AGPAT4: variants seen among roughly 807,000 people sequenced by gnomAD.
AGPAT4 encodes the protein 1-acylglycerol-3-phosphate O-acyltransferase 4, also known as 1-acyl-sn-glycerol-3-phosphate acyltransferase delta.
A neutral mutation model predicts 48.0 loss-of-function variants in AGPAT4; 15 were observed. The observed-to-expected ratio is 0.31, with a 90% CI of 0.21 to 0.48. The LOEUF is 0.48. AGPAT4 is among the 20% of genes least tolerant of loss of function. The pLI is 0.99. For synonymous variants in AGPAT4, 178 were observed against 198.7 expected (o/e 0.90, Z 0.88); for missense variants, 314 against 482.5 (o/e 0.65, Z 3.27).
In AGPAT4 at chr6:161,159,097, G is replaced by T. The variant is rs1473602737; in HGVS notation, c.349-4787C>A. On this transcript the variant is annotated intron_variant, in intron 3 of 8. Coordinates refer to ENST00000320285, the MANE Select transcript of AGPAT4 (RefSeq NM_020133.3). The surrounding 1 kb of genome is among the most constrained non-coding windows in gnomAD (Gnocchi z 4.1). ...AAAGCAGGCTAAACAGCCTGCCTTTGAGTCCTTTGACTGTTTTCTTGACTA... is the reference window on the plus strand; with the variant it reads ...AAAGCAGGCTAAACAGCCTGCCTTTTAGTCCTTTGACTGTTTTCTTGACTA... Among the ~76,000 whole-genome samples the T allele has an allele frequency of 1.3e-5, 2 of 152,190 alleles. No individual in the cohort carries two copies. The highest frequency in any genetic ancestry group is 2.9e-5 in the Non-Finnish European group (2 of 68,024).
rs1173635528 is a variant in AGPAT4 at position 161,262,518 on chromosome 6, C to T, written c.-90+11420G>A. Among the ~76,000 whole-genome samples the T allele has an allele frequency of 1.3e-5, 2 of 151,778 alleles. No homozygotes were observed. The highest frequency in any genetic ancestry group is 4.8e-5 in the African/African-American group (2 of 41,312). On this transcript the variant is annotated intron_variant, in intron 1 of 8. Coordinates refer to ENST00000320285, the MANE Select transcript of AGPAT4 (RefSeq NM_020133.3). This position sits in a 1 kb window ranked among gnomAD's most constrained non-coding sequence, Gnocchi z 4.9. ...CATTATTCTCTCATAGCAAATAAAA[C>T]TTGGTTTGCTTGTCCCTGGGCAAAG... is the stretch of plus-strand genomic sequence containing the variant.
chr6:161,165,646 G>A lies in AGPAT4; in HGVS notation c.348+602C>T, dbSNP rs749396954. On this transcript the variant is annotated intron_variant, in intron 3 of 8. Coordinates refer to ENST00000320285, the MANE Select transcript of AGPAT4 (RefSeq NM_020133.3). The surrounding 1 kb of genome is among the most constrained non-coding windows in gnomAD (Gnocchi z 5.5). ...CAACCGCTACACGCTGCAGTGTGTT[G>A]AAGACGACAAAAGTCAACTGAAGAG... 3 of 1,304,918 alleles carry A rather than the reference G, an allele frequency of 2.3e-6. No individual in the cohort carries two copies. Among genetic ancestry groups the A allele is most frequent in the Non-Finnish European group, 3.0e-6 (3 of 989,876 alleles). 80.8% of individuals were successfully genotyped at this position (1,304,918 alleles called of 1,614,324 possible). A position where few individuals can be genotyped will look rare whatever the true frequency, so the allele number is the denominator to read the frequency against.
rs915310190 is a variant in AGPAT4, at chr6:161,140,551, C to T, written c.844-931G>A. 1.3e-5 allele frequency among the ~76,000 whole-genome samples: 2 copies of T among 150,914 alleles called. No individual in the cohort carries two copies. The highest frequency in any genetic ancestry group is 2.1e-4 in the South Asian group (1 of 4,830). On this transcript the variant is annotated intron_variant, in intron 7 of 8. Transcript: ENST00000320285. The surrounding 1 kb of genome is among the most constrained non-coding windows in gnomAD (Gnocchi z 6.5). ...TCCCTGGGTGTCTCATGTCACGGAG[C>T]TCCCGCTCAGGGACTGGGGCTCAGC...
chr6:161,139,145 G>T lies in AGPAT4; in HGVS notation c.1042+277C>A, dbSNP rs1779169592. Among the ~76,000 whole-genome samples, 1 of 152,214 alleles carries T rather than the reference G, an allele frequency of 6.6e-6. No homozygotes were observed. Among genetic ancestry groups the T allele is most frequent in the African/African-American group, 2.4e-5 (1 of 41,460 alleles). On this transcript the variant is annotated intron_variant, in intron 8 of 8. Coordinates refer to ENST00000320285, the MANE Select transcript of AGPAT4 (RefSeq NM_020133.3). The surrounding 1 kb of genome is among the most constrained non-coding windows in gnomAD (Gnocchi z 9.1). Reference sequence around the variant, plus strand: ...GGAGGGAGCACTCCCAGCTGTCGGGGAGTGAAGTGGCAGCTGCATCACCAC... The same window carrying T: ...GGAGGGAGCACTCCCAGCTGTCGGGTAGTGAAGTGGCAGCTGCATCACCAC...
chr6:161,211,410 G>A (rs972086872), intron 2 of AGPAT4, among the ~76,000 whole-genome samples: 2 of 152,102 alleles, frequency 1.3e-5, no homozygotes, highest in African/African-American at 4.8e-5. Flanking sequence ...TAAAAGGAAT[G>A]AGGAAATAAA....
intron 1 of AGPAT4, among the ~76,000 whole-genome samples, chr6:161,265,452 C>G (rs1783227274): frequency 6.7e-6 from 1 of 149,538 alleles, no homozygotes; most frequent in Non-Finnish European, 1.5e-5. Context: ...CACCGCTGGA[C>G]TGGGTGCTGG....
Position 161,166,794 on chromosome 6 carries a change from C to A in AGPAT4, c.179-377G>T, listed in dbSNP as rs928542077. On this transcript the variant is annotated intron_variant, in intron 2 of 8. Coordinates refer to ENST00000320285, the MANE Select transcript of AGPAT4 (RefSeq NM_020133.3). The surrounding 1 kb of genome is among the most constrained non-coding windows in gnomAD (Gnocchi z 6.7). ...GAATTCTTAATATCCTGGAAAATGA[C>A]TAATTGGGATACTTATAAACTCCAT... Among the ~76,000 whole-genome samples, 1 of 152,134 alleles carries A rather than the reference C, an allele frequency of 6.6e-6. No homozygotes were observed. The highest frequency in any genetic ancestry group is 1.5e-5 in the Non-Finnish European group (1 of 68,034).
Position 161,140,063 on chromosome 6 carries a change from C to G in AGPAT4, c.844-443G>C, listed in dbSNP as rs1018928504. Among the ~76,000 whole-genome samples, 1 of 152,206 alleles carries G rather than the reference C, an allele frequency of 6.6e-6. No individual in the cohort carries two copies. The highest frequency in any genetic ancestry group is 2.4e-5 in the African/African-American group (1 of 41,456). On this transcript the variant is annotated intron_variant, in intron 7 of 8. Coordinates refer to ENST00000320285, the MANE Select transcript of AGPAT4 (RefSeq NM_020133.3). This position sits in a 1 kb window ranked among gnomAD's most constrained non-coding sequence, Gnocchi z 6.5. ...GGGGACACTCGGTGGAGACCTGGCC[C>G]GCAGTCAGGAGGAGCTCGCCCAGCC... is the stretch of plus-strand genomic sequence containing the variant.
intron 1 of AGPAT4, among the ~76,000 whole-genome samples, chr6:161,263,574 G>T (rs73782834): frequency 0.039 from 5,898 of 152,248 alleles, 369 homozygotes; most frequent in African/African-American, 0.13. Context: ...AAGTCCTAAT[G>T]TGGCAAAAAT....
chr6:161,238,053 T>C lies in AGPAT4; in HGVS notation c.-89-5751A>G, dbSNP rs1023647814. ...CTGGAAGCCAAGCACTGCTGTGTGT[T>C]GGGGGGCTGGGGGTGGGGGGGTAAT... On this transcript the variant is annotated intron_variant, in intron 1 of 8. Transcript: ENST00000320285. The surrounding 1 kb of genome is among the most constrained non-coding windows in gnomAD (Gnocchi z 5.2). Among the ~76,000 whole-genome samples, 6 of 5,482 alleles carry C rather than the reference T, an allele frequency of 1.1e-3. No homozygotes were observed. The East Asian group carries it at 0.029, about 27-fold the overall frequency. 3.6% of individuals were successfully genotyped at this position (5,482 alleles called of 152,430 possible).
intron 4 of AGPAT4, among the ~76,000 whole-genome samples, chr6:161,153,895 G>A (rs1329652167): frequency 3.4e-5 from 5 of 145,440 alleles, no homozygotes; most frequent in Non-Finnish European, 7.5e-5. Flanking sequence ...ACACAGCCCT[G>A]GGGTCACACA....
intron 4 of AGPAT4, 37 bp from the exon 5 acceptor site, chr6:161,153,536 G>C (rs774713817): frequency 1.2e-6 from 2 of 1,604,338 alleles, no homozygotes; most frequent in Admixed American, 3.4e-5. Context: ...CGCAGCCTCG[G>C]GGTCACACAC....
At chr6:161,182,545 C>T (rs190844079) in intron 2 of AGPAT4, among the ~76,000 whole-genome samples, 14 of 152,222 alleles carry the variant, frequency 9.2e-5, no homozygotes, top group Admixed American at 9.2e-4. Context: ...TATCCCCTCA[C>T]CCCAGCCCCT....
At chr6:161,167,294 C>T (rs1780129656) in intron 2 of AGPAT4, among the ~76,000 whole-genome samples, 1 of 152,128 alleles carries the variant, frequency 6.6e-6, no homozygotes, top group Non-Finnish European at 1.5e-5. Context: ...GGTGTGATCA[C>T]GGCTCACTGC....
rs189445665 is a variant in AGPAT4, at chr6:161,206,114, G to C, written c.178+25922C>G. Among the ~76,000 whole-genome samples the C allele has an allele frequency of 6.6e-6, 1 of 152,216 alleles. No individual in the cohort carries two copies. Among genetic ancestry groups the C allele is most frequent in the East Asian group, 1.9e-4 (1 of 5,170 alleles). ...GAAAAGCCTGCTCCCTCCAGCTAAAGGATCAGGGAAGTGGCAGCCTAGCAA... is the reference window on the plus strand; with the variant it reads ...GAAAAGCCTGCTCCCTCCAGCTAAACGATCAGGGAAGTGGCAGCCTAGCAA... On this transcript the variant is annotated intron_variant, in intron 2 of 8. Transcript: ENST00000320285. The surrounding 1 kb of genome is among the most constrained non-coding windows in gnomAD (Gnocchi z 4.8).
rs1002211470 is a variant in AGPAT4, at chr6:161,229,402, G to A, written c.178+2634C>T. On this transcript the variant is annotated intron_variant, in intron 2 of 8. Coordinates refer to ENST00000320285, the MANE Select transcript of AGPAT4 (RefSeq NM_020133.3). The surrounding 1 kb of genome is among the most constrained non-coding windows in gnomAD (Gnocchi z 6.0). ...ATAGACGCTGCAGAGTCATCTGCTA[G>A]TTAAGCTGCTGAATTCCCCACAAAC... Among the ~76,000 whole-genome samples the A allele has an allele frequency of 1.3e-5, 2 of 152,186 alleles. No individual in the cohort carries two copies. The highest frequency in any genetic ancestry group is 2.4e-5 in the African/African-American group (1 of 41,456).
rs536120991 is a variant in AGPAT4, at chr6:161,255,493, A to T, written c.-90+18445T>A. Among the ~76,000 whole-genome samples the T allele has an allele frequency of 1.3e-5, 2 of 152,358 alleles. No homozygotes were observed. The highest frequency in any genetic ancestry group is 3.9e-4 in the East Asian group (2 of 5,186). On this transcript the variant is annotated intron_variant, in intron 1 of 8. Transcript: ENST00000320285. This position sits in a 1 kb window ranked among gnomAD's most constrained non-coding sequence, Gnocchi z 4.7. ...CCAGTGTTCATCAACTGATGCGTGG[A>T]TAAATACAATACAGTATATCCATAA...
chr6:161,211,441 A>G (rs1781519462), intron 2 of AGPAT4, among the ~76,000 whole-genome samples: 2 of 152,188 alleles, frequency 1.3e-5, no homozygotes, highest in Non-Finnish European at 2.9e-5. Context: ...AGAAAGTTAT[A>G]AAAATACAGA....
In AGPAT4 at chr6:161,147,792, T is replaced by G. The variant is rs1435382544; in HGVS notation, c.768-1193A>C. Among the ~76,000 whole-genome samples, 1 of 152,198 alleles carries G rather than the reference T, an allele frequency of 6.6e-6. No homozygotes were observed. Among genetic ancestry groups the G allele is most frequent in the Non-Finnish European group, 1.5e-5 (1 of 68,028 alleles). On this transcript the variant is annotated intron_variant, in intron 6 of 8. Transcript: ENST00000320285. This position sits in a 1 kb window ranked among gnomAD's most constrained non-coding sequence, Gnocchi z 4.8. ...TATTTCTTTATTTGGAGAGTAGGAA[T>G]GTAGTGAGTTTTGCCCTTTTCAGCA...
Sources: gnomAD v4.1 joint callset for allele counts (sites outside exome capture counted in the v4.1 genomes callset) on GRCh38, gnomAD v4.1.1 for gene constraint, Gnocchi (gnomAD v3.1) non-coding constraint, MANE v1.5 for transcripts, NCBI Gene and HGNC (gene_info 2026-07-23, HGNC 2026-07-21) for gene names.